GHRH: variants seen among roughly 807,000 people sequenced by gnomAD.
GHRH encodes the protein growth hormone releasing hormone, also known as somatoliberin.
Under a neutral mutation model 15.6 loss-of-function variants are expected in GHRH, and 7 were observed. That is an observed-to-expected ratio of 0.45 (90% CI 0.26 to 0.84). The LOEUF is 0.84. GHRH is among the 40% of genes least tolerant of loss of function. GHRH has a pLI of 0.18. For missense variants in GHRH, 117 were observed against 138.0 expected (o/e 0.85, Z 0.76); for synonymous variants, 54 against 50.4 (o/e 1.07, Z -0.30).
At chr20:37,260,535 T>C (rs1309415766) in intron 1 of GHRH, among the ~76,000 whole-genome samples, 1 of 152,118 alleles carries the variant, frequency 6.6e-6, no homozygotes, top group East Asian at 1.9e-4. Context: ...CAGTGATCCA[T>C]GATAGTGCCA....
intron 3 of GHRH, among the ~76,000 whole-genome samples, chr20:37,255,493 T>C (rs1189746493): frequency 6.6e-6 from 1 of 151,474 alleles, no homozygotes. Context: ...ACCCCGTCTC[T>C]ACTAAAATAT....
At position 37,251,230 on chromosome 20, in the gene GHRH, T is replaced by C; in HGVS notation, c.310A>G (p.Arg104Gly). The change falls in exon 5 of 5, where the codon AGG (arginine) becomes GGG (glycine). Residue 104 changes from arginine to glycine, a missense_variant and splice_region_variant. Coordinates refer to ENST00000373614, the MANE Select transcript of GHRH (RefSeq NM_021081.6). Reference protein sequence around the residue: ...ILVALLQKHSRNSQG With the variant: ...ILVALLQKHSGNSQG ...AGGAATCTTCATCCCTGGGAGTTCCTGCTGCAGAAAGAAAGATCAAGCTCA... is the reference window on the plus strand; with the variant it reads ...AGGAATCTTCATCCCTGGGAGTTCCCGCTGCAGAAAGAAAGATCAAGCTCA... 1 of 1,602,636 alleles carries C rather than the reference T, an allele frequency of 6.2e-7. No homozygotes were observed. The highest frequency in any genetic ancestry group is 8.5e-7 in the Non-Finnish European group (1 of 1,175,188).
intron 1 of GHRH, among the ~76,000 whole-genome samples, chr20:37,257,977 T>G (rs1176841378): frequency 6.6e-6 from 1 of 152,244 alleles, no homozygotes; most frequent in Non-Finnish European, 1.5e-5. Context: ...GCTTAGATTT[T>G]GCTGAAGAGT....
chr20:37,260,506 GC>G (rs2068682299), intron 1 of GHRH, among the ~76,000 whole-genome samples: 1 of 152,054 alleles, frequency 6.6e-6, no homozygotes, highest in African/African-American at 2.4e-5. Context: ...GATTGCTTGA[GC>G]CCGGGAGGTT....
chr20:37,252,497 T>C (rs1035247849), intron 4 of GHRH, among the ~76,000 whole-genome samples: 1 of 152,262 alleles, frequency 6.6e-6, no homozygotes, highest in African/African-American at 2.4e-5. Context: ...CCGGGTGCGG[T>C]GGCTCATGCC....
Position 37,252,980 on chromosome 20 carries a change from C to T in GHRH, c.308+1230G>A, listed in dbSNP as rs1204707320. On this transcript the variant is annotated intron_variant, in intron 4 of 4. Coordinates refer to ENST00000373614, the MANE Select transcript of GHRH (RefSeq NM_021081.6). ...CCTGGAGGCAGAGGCTGCAGTGAGCCGAGATCACGCCACTGCACTCTAGCC... is the reference window on the plus strand; with the variant it reads ...CCTGGAGGCAGAGGCTGCAGTGAGCTGAGATCACGCCACTGCACTCTAGCC... Among the ~76,000 whole-genome samples, 5 of 152,176 alleles carry T rather than the reference C, an allele frequency of 3.3e-5. No homozygotes were observed. In the East Asian group the frequency reaches 5.8e-4, roughly 18 times the overall value.
intron 4 of GHRH, among the ~76,000 whole-genome samples, chr20:37,251,686 C>A (rs764903984): frequency 7.2e-5 from 11 of 152,154 alleles, no homozygotes; most frequent in Non-Finnish European, 1.6e-4. Context: ...CAGAGTGTGG[C>A]ATGTCATAGT....
At chr20:37,259,404 C>T (rs1165476339) in intron 1 of GHRH, among the ~76,000 whole-genome samples, 1 of 152,190 alleles carries the variant, frequency 6.6e-6, no homozygotes, top group East Asian at 1.9e-4. Flanking sequence ...GCCGAGAGAT[C>T]TCTGGATGCA....
intron 1 of GHRH, among the ~76,000 whole-genome samples, chr20:37,260,424 A>G (rs1297905041): frequency 6.6e-6 from 1 of 151,832 alleles, no homozygotes; most frequent in Non-Finnish European, 1.5e-5. Flanking sequence ...ACAAAACAAA[A>G]CAAAAAAAAA....
intron 1 of GHRH, among the ~76,000 whole-genome samples, chr20:37,257,747 G>T (rs1382144150): frequency 6.6e-6 from 1 of 152,136 alleles, no homozygotes; most frequent in African/African-American, 2.4e-5. Flanking sequence ...ACCTCTCTGA[G>T]CCTTATTTTC....
rs747112650 is a variant in GHRH, at chr20:37,256,842, G to T, written c.48C>A (p.Ser16Arg). The change falls in exon 2 of 5, where the codon AGC (serine) becomes AGA (arginine). Residue 16 changes from serine (S) to arginine (R), a missense_variant. Physicochemically the swap from Ser to Arg is moderately radical, Grantham distance 110 (BLOSUM62 -1). Transcript: ENST00000373614. ...FFFVILTLSN[S>R]SHCSPPPPLT... ...AAGGGGGAGGTGGGGAGCAGTGGGA[G>T]CTGTTGCTGAGGGTGAGGATCACAA... 1 of 1,613,338 alleles carries T rather than the reference G, an allele frequency of 6.2e-7. No homozygotes were observed. Among genetic ancestry groups the T allele is most frequent in the African/African-American group, 1.3e-5 (1 of 75,056 alleles).
chr20:37,254,368 T>C (rs1419343743), intron 3 of GHRH, 39 bp from the exon 4 acceptor site: 1 of 1,612,906 alleles, frequency 6.2e-7, no homozygotes, highest in South Asian at 1.1e-5. Context: ...GCTATTTGGG[T>C]AGGATGTGGA....
chr20:37,255,878 T>C (rs1386363611), intron 3 of GHRH, among the ~76,000 whole-genome samples: 2 of 151,538 alleles, frequency 1.3e-5, no homozygotes, highest in Admixed American at 6.6e-5. Flanking sequence ...AAAAATAAAA[T>C]AGTCAGTTGT....
chr20:37,254,092 G>T, intron 4 of GHRH, 118 bp downstream of exon 4: 3 of 1,032,042 alleles, frequency 2.9e-6, no homozygotes, highest in Non-Finnish European at 4.4e-6. Context: ...CCTTGTTCTT[G>T]GTTTGTTTGG....
intron 1 of GHRH, among the ~76,000 whole-genome samples, chr20:37,261,492 T>G (rs1401758362): frequency 6.6e-6 from 1 of 152,100 alleles, no homozygotes; most frequent in Admixed American, 6.6e-5. Flanking sequence ...CCTCACCACC[T>G]GCGACAGACA....
intron 4 of GHRH, among the ~76,000 whole-genome samples, chr20:37,252,046 G>C (rs1442354365): frequency 1.3e-5 from 2 of 152,174 alleles, no homozygotes. Flanking sequence ...ACCCTACTGG[G>C]GCCTGATGAG....
At chr20:37,256,525 G>A in intron 2 of GHRH, 27 bp from the exon 3 acceptor site, 1 of 1,475,208 alleles carries the variant, frequency 6.8e-7, no homozygotes, top group Non-Finnish European at 9.4e-7. Flanking sequence ...AGGGGTCAGA[G>A]GGCGGGGTGG....
intron 1 of GHRH, among the ~76,000 whole-genome samples, chr20:37,259,599 T>C (rs1016245156): frequency 6.6e-6 from 1 of 152,124 alleles, no homozygotes; most frequent in Non-Finnish European, 1.5e-5. Flanking sequence ...CCCCTTCTCT[T>C]GGCTTAAGCT....
intron 3 of GHRH, among the ~76,000 whole-genome samples, chr20:37,254,816 A>T (rs191919784): frequency 6.6e-6 from 1 of 152,322 alleles, no homozygotes; most frequent in Admixed American, 6.5e-5. Context: ...AGCCTTTACT[A>T]ATCAAAACTG....
Sources: allele counts gnomAD v4.1 joint callset (sites outside exome capture counted in the v4.1 genomes callset), GRCh38; gene constraint gnomAD v4.1.1; transcripts MANE v1.5; gene names NCBI Gene and HGNC (gene_info 2026-07-23, HGNC 2026-07-21).